Variants in NUDC observed in about 807,000 individuals in gnomAD.
The protein encoded by NUDC is nuclear distribution C, dynein complex regulator.
NUDC carries 14 observed loss-of-function variants against 45.0 expected under a neutral mutation model. The observed-to-expected ratio is 0.31, with a 90% CI of 0.21 to 0.49. The LOEUF (loss-of-function observed/expected upper bound fraction) is 0.49, where lower values mean the gene tolerates loss of function less well. NUDC is among the 20% of genes least tolerant of loss of function. The pLI, the probability that NUDC is intolerant of heterozygous loss-of-function variation, is 0.99. For missense variants in NUDC, 323 were observed against 426.2 expected (o/e 0.76, Z 2.13); for synonymous variants, 153 against 156.7 (o/e 0.98, Z 0.17).
chr1:26,919,577 A>G (rs902010172), upstream of NUDC, among the ~76,000 whole-genome samples: 2 of 152,216 alleles, frequency 1.3e-5, no homozygotes, highest in African/African-American at 2.4e-5. Flanking sequence ...AGCAAGGGTC[A>G]TGAGGTACAG....
rs191066093 is a variant in NUDC, at chr1:26,930,335, A to G, written c.159+6169A>G. On this transcript the variant is annotated intron_variant, in intron 2 of 8. Coordinates refer to ENST00000321265, the MANE Select transcript of NUDC (RefSeq NM_006600.4). Reference sequence around the variant, plus strand: ...TAGGCGTGCCCCACCACACCCAGCTAATTTTTGTATTTTTTGTAGAGTGGG... The same window carrying G: ...TAGGCGTGCCCCACCACACCCAGCTGATTTTTGTATTTTTTGTAGAGTGGG... Among the ~76,000 whole-genome samples the G allele has an allele frequency of 1.4e-4, 21 of 152,210 alleles. 1 individual carries two copies. The highest frequency in any genetic ancestry group is 1.0e-3 in the South Asian group (5 of 4,830).
exon 1 of NUDC, chr1:26,900,354 C>G (rs1361692513): frequency 6.2e-7 from 1 of 1,613,910 alleles, no homozygotes; most frequent in Admixed American, 1.7e-5. Flanking sequence ...AAAATAGCTC[C>G]GTAAATGGGC....
At chr1:26,932,977 C>A (rs80064363) in intron 2 of NUDC, among the ~76,000 whole-genome samples, 1 of 147,538 alleles carries the variant, frequency 6.8e-6, no homozygotes, top group East Asian at 2.0e-4. Context: ...TTTTTTTTTT[C>A]TTTTTGAGAC....
chr1:26,914,225 C>G (rs2082048726), intron 3 of NUDC, among the ~76,000 whole-genome samples: 1 of 152,200 alleles, frequency 6.6e-6, no homozygotes, highest in South Asian at 2.1e-4. Flanking sequence ...TGCCCCTTAT[C>G]AGATGACTCA....
chr1:26,913,958 C>T, intron 3 of NUDC: 1 of 1,448,332 alleles, frequency 6.9e-7, no homozygotes, highest in Non-Finnish European at 9.1e-7. Context: ...GATCTGCTCT[C>T]ACTTCCAGCT....
At chr1:26,924,899 G>C (rs1453780402) in intron 2 of NUDC, among the ~76,000 whole-genome samples, 1 of 150,908 alleles carries the variant, frequency 6.6e-6, no homozygotes, top group Non-Finnish European at 1.5e-5. Context: ...TTTATTTTTT[G>C]AAATGGAGTC....
chr1:26,941,571 G>T lies in NUDC; in HGVS notation c.274G>T (p.Ala92Ser). ...GAAGGCGGAGCGGGCGGCCAGACTG[G>T]CCAAGGAAGCCAAGTCAGAGACCTC... ...REKAERAARLAKEAKSETSGP... is the reference protein window; with the variant it reads ...REKAERAARLSKEAKSETSGP... Residue 92 changes from alanine (A) to serine (S), a missense_variant, in exon 3 of 9, where the codon GCC (alanine) becomes TCC (serine). By Grantham distance (99) the Ala-to-Ser change is moderately conservative. Transcript: ENST00000321265. The T allele has an allele frequency of 6.2e-7, 1 of 1,611,588 alleles. No homozygotes were observed. The highest frequency in any genetic ancestry group is 2.2e-5 in the East Asian group (1 of 44,764).
intron 2 of NUDC, among the ~76,000 whole-genome samples, chr1:26,906,850 A>G (rs938682745): frequency 6.6e-6 from 1 of 152,074 alleles, no homozygotes; most frequent in Admixed American, 6.6e-5. Context: ...CTCCGTCTCA[A>G]AAAAAATAAT....
At chr1:26,940,784 C>G (rs1158566697) in intron 2 of NUDC, among the ~76,000 whole-genome samples, 3 of 152,198 alleles carry the variant, frequency 2.0e-5, no homozygotes, top group East Asian at 1.9e-4. Flanking sequence ...CTCCCTAGTT[C>G]AAGCAATTCC....
intron 1 of NUDC, among the ~76,000 whole-genome samples, chr1:26,923,007 G>T (rs548900841): frequency 6.6e-6 from 1 of 152,208 alleles, no homozygotes; most frequent in Non-Finnish European, 1.5e-5. Context: ...TCTAGCATCA[G>T]ATTTAATCAG....
upstream of NUDC, chr1:26,921,732 C>T: frequency 2.6e-6 from 3 of 1,158,440 alleles, no homozygotes; most frequent in Non-Finnish European, 3.7e-6. Flanking sequence ...GTGCGTGTTT[C>T]CGGCTCCGCT....
At position 26,941,783 on chromosome 1, in the gene NUDC, C is replaced by T; in HGVS notation, c.394C>T (p.Leu132Phe). The change falls in exon 4 of 9, where the codon CTC (leucine) becomes TTC (phenylalanine). Residue 132 changes from leucine to phenylalanine, a missense_variant. Transcript: ENST00000321265. Reference protein sequence around the residue: ...KKDAENHEAQLKNGSLDSPGK... With the variant: ...KKDAENHEAQFKNGSLDSPGK... ...GGATGCAGAGAATCATGAGGCCCAGCTCAAGAACGGCAGCCTTGACTCCCC... is the reference window on the plus strand; with the variant it reads ...GGATGCAGAGAATCATGAGGCCCAGTTCAAGAACGGCAGCCTTGACTCCCC... 1 of 1,613,780 alleles carries T rather than the reference C, an allele frequency of 6.2e-7. No individual in the cohort carries two copies. Among genetic ancestry groups the T allele is most frequent in the Non-Finnish European group, 8.5e-7 (1 of 1,180,034 alleles).
At chr1:26,931,222 C>T (rs539550010) in intron 2 of NUDC, among the ~76,000 whole-genome samples, 222 of 148,420 alleles carry the variant, frequency 1.5e-3, no homozygotes, top group African/African-American at 4.6e-3. Flanking sequence ...GGATTACAGG[C>T]GTGTGCCACC....
intron 8 of NUDC, 21 bp from the exon 9 acceptor site, chr1:26,946,109 A>T (rs777693796): frequency 6.2e-7 from 1 of 1,612,452 alleles, no homozygotes; most frequent in South Asian, 1.1e-5. Context: ...GAGCTGTTTC[A>T]TCTTGCTTCC....
At chr1:26,913,441 G>C (rs1295925723) in intron 3 of NUDC, 1 of 1,614,090 alleles carries the variant, frequency 6.2e-7, no homozygotes. Context: ...TTTCAGGCAG[G>C]CATATTCCTT....
rs1368923692 is a variant in NUDC at position 26,926,143 on chromosome 1, G to A, written c.159+1977G>A. The stretch of plus-strand genomic sequence containing the variant: ...GCAATTATTGTGCTCAGCCTCCTGA[G>A]TAGCTGAGATTACAGGCGTGAGCCA... On this transcript the variant is annotated intron_variant, in intron 2 of 8. Coordinates refer to ENST00000321265, the MANE Select transcript of NUDC (RefSeq NM_006600.4). 2.0e-5 allele frequency among the ~76,000 whole-genome samples: 3 copies of A among 152,012 alleles called. No individual in the cohort carries two copies. In the South Asian group the frequency reaches 6.2e-4, roughly 32 times the overall value.
rs2082112972 is a variant in NUDC, at chr1:26,924,158, G to T, written c.151G>T (p.Ala51Ser). 1 of 1,613,924 alleles carries T rather than the reference G, an allele frequency of 6.2e-7. No individual in the cohort carries two copies. The highest frequency in any genetic ancestry group is 1.3e-5 in the African/African-American group (1 of 74,914). ...DFFIGGEEGM[A>S]EKLITQTFSH... Reference sequence around the variant, plus strand: ...TTTCATTGGAGGAGAAGAAGGGATGGCAGAGAAGGTAAGTGTTGGAAACCA... The same window carrying T: ...TTTCATTGGAGGAGAAGAAGGGATGTCAGAGAAGGTAAGTGTTGGAAACCA... Residue 51 changes from alanine to serine, a missense_variant, in exon 2 of 9, where the codon GCA (alanine) becomes TCA (serine). Transcript: ENST00000321265.
At chr1:26,901,013 A>G (rs1186980543) in intron 1 of NUDC, among the ~76,000 whole-genome samples, 1 of 152,198 alleles carries the variant, frequency 6.6e-6, no homozygotes, top group East Asian at 1.9e-4. Flanking sequence ...TATGTTGGCA[A>G]ACTTTAAAAC....
At chr1:26,939,253 A>G (rs973769083) in intron 2 of NUDC, among the ~76,000 whole-genome samples, 1 of 152,102 alleles carries the variant, frequency 6.6e-6, no homozygotes, top group Non-Finnish European at 1.5e-5. Context: ...CTCAGCCTCA[A>G]GTGATCCACC....
Sources: allele counts gnomAD v4.1 joint callset (sites outside exome capture counted in the v4.1 genomes callset), GRCh38; gene constraint gnomAD v4.1.1; transcripts MANE v1.5; gene names NCBI Gene and HGNC (gene_info 2026-07-23, HGNC 2026-07-21).